HHLA1: variants seen among roughly 807,000 people sequenced by gnomAD.
HHLA1 encodes HERV-H LTR-associating protein 1.
Under a neutral mutation model 69.9 loss-of-function variants are expected in HHLA1, and 72 were observed. The ratio of observed to expected loss-of-function variants is 1.03; its 90% confidence interval spans 0.85 to 1.25. The LOEUF is 1.25. Among genes scored for constraint, HHLA1 ranks in the 50% most tolerant of loss-of-function variants. HHLA1 has a pLI of 0.00. For missense variants in HHLA1, 685 were observed against 642.2 expected (o/e 1.07, Z -0.72); for synonymous variants, 252 against 233.2 (o/e 1.08, Z -0.73).
intron 10 of HHLA1, among the ~76,000 whole-genome samples, chr8:132,084,685 T>A (rs1361649108): frequency 7.2e-6 from 1 of 139,784 alleles, no homozygotes; most frequent in Admixed American, 8.0e-5. Flanking sequence ...GGCTAAGGGA[T>A]AAGAAGGAGG....
chr8:132,107,451 C>T (rs954553306), intron 1 of HHLA1, among the ~76,000 whole-genome samples: 1 of 152,070 alleles, frequency 6.6e-6, no homozygotes, highest in African/African-American at 2.4e-5. Context: ...CAGGTATGTG[C>T]CATCATGCCC....
chr8:132,104,411 A>G (rs1474745345), intron 2 of HHLA1, among the ~76,000 whole-genome samples: 1 of 152,180 alleles, frequency 6.6e-6, no homozygotes, highest in Non-Finnish European at 1.5e-5. Context: ...TGTGTGCTGG[A>G]AAGGCAGACA....
chr8:132,072,924 A>T (rs543420949), intron 14 of HHLA1, among the ~76,000 whole-genome samples: 1 of 152,026 alleles, frequency 6.6e-6, no homozygotes, highest in Non-Finnish European at 1.5e-5. Flanking sequence ...AAAAGAGTTT[A>T]TTGCTGTGGA....
At chr8:132,082,464 A>G (rs922291820) in intron 10 of HHLA1, among the ~76,000 whole-genome samples, 3 of 152,096 alleles carry the variant, frequency 2.0e-5, no homozygotes, top group African/African-American at 7.2e-5. Context: ...TTTGTAGAAG[A>G]TGCTGGGGTT....
intron 5 of HHLA1, among the ~76,000 whole-genome samples, chr8:132,097,747 C>G (rs1433669077): frequency 1.3e-5 from 2 of 152,202 alleles, no homozygotes; most frequent in Non-Finnish European, 2.9e-5. Context: ...CTCGGCAACT[C>G]TCATGAGAGC....
chr8:132,077,292 A>G (rs1161146576), intron 12 of HHLA1, among the ~76,000 whole-genome samples: 1 of 152,182 alleles, frequency 6.6e-6, no homozygotes, highest in East Asian at 1.9e-4. Context: ...AAGTGCATAC[A>G]TAAAGATCAG....
chr8:132,097,928 C>T (rs1003895679), intron 5 of HHLA1, among the ~76,000 whole-genome samples: 2 of 152,194 alleles, frequency 1.3e-5, no homozygotes, highest in African/African-American at 4.8e-5. Flanking sequence ...ACATAGACCT[C>T]AACACTGAAT....
At chr8:132,087,989 C>T in intron 8 of HHLA1, 88 bp from the exon 9 acceptor site, 2 of 978,014 alleles carry the variant, frequency 2.0e-6, no homozygotes, top group Non-Finnish European at 3.2e-6. Context: ...GTTGAAAGTA[C>T]CTAACTTAGG....
rs1823886591 is a variant in HHLA1, at chr8:132,087,716, C to G, written c.613G>C (p.Glu205Gln). The G allele has an allele frequency of 1.3e-5, 20 of 1,551,406 alleles. No homozygotes were observed. Among genetic ancestry groups the G allele is most frequent in the Non-Finnish European group, 1.7e-5 (19 of 1,146,782 alleles). The change falls in exon 10 of 17, where the codon GAG becomes CAG. Residue 205 changes from glutamate (E) to glutamine (Q), a missense_variant. Transcript: ENST00000414222. ...ATAATGGGATATTTTTCTTCTATCTCCCAGAAGTCAGAAAGATTCCTTCCT... is the reference window on the plus strand; with the variant it reads ...ATAATGGGATATTTTTCTTCTATCTGCCAGAAGTCAGAAAGATTCCTTCCT... ...KSGRNLSDFW[E>Q]IEEKYPIINY...
intron 7 of HHLA1, among the ~76,000 whole-genome samples, chr8:132,094,263 T>C (rs1823987018): frequency 6.6e-6 from 1 of 152,160 alleles, no homozygotes; most frequent in South Asian, 2.1e-4. Context: ...TCCCTTACAA[T>C]CTCGTATTTA....
At chr8:132,101,330 T>A in intron 3 of HHLA1, 1 of 1,529,576 alleles carries the variant, frequency 6.5e-7, no homozygotes, top group Non-Finnish European at 8.8e-7. Flanking sequence ...CCTCAAACAG[T>A]TCATAACATC....
rs151022665 is a variant in HHLA1 at position 132,094,799 on chromosome 8, G to T, written c.448+720C>A. Among the ~76,000 whole-genome samples the T allele has an allele frequency of 2.7e-3, 418 of 152,312 alleles. 3 individuals carry two copies. The highest frequency in any genetic ancestry group is 9.7e-3 in the African/African-American group (405 of 41,564). On this transcript the variant is annotated intron_variant, in intron 7 of 16. Coordinates refer to ENST00000414222, the MANE Select transcript of HHLA1 (RefSeq NM_001145095.3). ...CGGGAGCAGGAGGTGTGTTCACTTT[G>T]CTCTGTGTGCTTTCCCCACACCTAG...
intron 4 of HHLA1, among the ~76,000 whole-genome samples, chr8:132,099,287 G>T (rs1824077049): frequency 6.6e-6 from 1 of 152,250 alleles, no homozygotes; most frequent in Non-Finnish European, 1.5e-5. Flanking sequence ...AAGCCCAAGG[G>T]CATTGCAGGA....
At chr8:132,106,387 C>A (rs12216779) in intron 1 of HHLA1, among the ~76,000 whole-genome samples, 140,884 of 152,260 alleles carry the variant, frequency 0.93, 65,409 homozygotes, top group Middle Eastern at 0.98. Flanking sequence ...TTATTGATAG[C>A]TATGTGACTG....
Position 132,087,643 on chromosome 8 carries a change from T to G in HHLA1, c.676+10A>C. 6.5e-7 allele frequency: 1 copy of G among 1,542,064 alleles called. No homozygotes were observed. Among genetic ancestry groups the G allele is most frequent in the Non-Finnish European group, 8.8e-7 (1 of 1,138,284 alleles). ...AGTCTATGGGAGGAGTTTGGGAGGT[T>G]GGTACTCACCCAGAACACCAGACAA... is the stretch of plus-strand genomic sequence containing the variant. On this transcript the variant is annotated intron_variant, in intron 10 of 16. Coordinates refer to ENST00000414222, the MANE Select transcript of HHLA1 (RefSeq NM_001145095.3).
Position 132,087,654 on chromosome 8 carries a change from C to T in HHLA1, c.675G>A (p.Leu225=). The T allele has an allele frequency of 1.3e-6, 2 of 1,548,536 alleles. No homozygotes were observed. Among genetic ancestry groups the T allele is most frequent in the Non-Finnish European group, 1.7e-6 (2 of 1,144,192 alleles). Residue 225 remains leucine (L), a splice_region_variant and synonymous_variant, in exon 10 of 17, where the codon CTG becomes CTA. Coordinates refer to ENST00000414222, the MANE Select transcript of HHLA1 (RefSeq NM_001145095.3). ...YTFTSGLSGV[L]GAATRGTART... is the part of the protein sequence containing the mutation. The stretch of plus-strand genomic sequence containing the variant: ...GGAGTTTGGGAGGTTGGTACTCACC[C>T]AGAACACCAGACAAGCCGCTGGTAA...
chr8:132,090,652 C>G (rs899787345), intron 7 of HHLA1, among the ~76,000 whole-genome samples: 1 of 152,132 alleles, frequency 6.6e-6, no homozygotes. Flanking sequence ...CACATTTTAA[C>G]CTCCTGGAGG....
At chr8:132,109,692 C>T (rs1824264354) in intron 1 of HHLA1, among the ~76,000 whole-genome samples, 1 of 152,166 alleles carries the variant, frequency 6.6e-6, no homozygotes, top group East Asian at 1.9e-4. Flanking sequence ...GATTTCTAAG[C>T]AGGAGAACTG....
chr8:132,097,161 C>T (rs550789741), intron 5 of HHLA1, among the ~76,000 whole-genome samples: 1 of 152,238 alleles, frequency 6.6e-6, no homozygotes, highest in Admixed American at 6.5e-5. Context: ...TTAATAAGCT[C>T]CTTAGAAGAA....
Sources: allele counts gnomAD v4.1 joint callset (sites outside exome capture counted in the v4.1 genomes callset), GRCh38; gene constraint gnomAD v4.1.1; transcripts MANE v1.5; gene names NCBI Gene and HGNC (gene_info 2026-07-23, HGNC 2026-07-21).